GOLPH3: variants seen among roughly 807,000 people sequenced by gnomAD.
GOLPH3 encodes golgi phosphoprotein 3, also known as coat protein GPP34.
Under a neutral mutation model 28.5 loss-of-function variants are expected in GOLPH3, and 14 were observed. The ratio of observed to expected loss-of-function variants is 0.49; its 90% confidence interval spans 0.32 to 0.77. GOLPH3 has a LOEUF of 0.77. GOLPH3 is among the 30% of genes least tolerant of loss of function. The probability of loss-of-function intolerance (pLI) is 0.03; values close to 1 mark genes in which losing one functional copy is unlikely to be tolerated. For synonymous variants in GOLPH3, 158 were observed against 159.2 expected (o/e 0.99, Z 0.06); for missense variants, 350 against 393.7 (o/e 0.89, Z 0.94).
At position 32,126,256 on chromosome 5, in the gene GOLPH3, T is replaced by C; in HGVS notation, c.853A>G (p.Thr285Ala). The change falls in exon 4 of 4, where the codon ACC (threonine) becomes GCC (alanine). Residue 285 changes from threonine (T) to alanine (A), a missense_variant. Physicochemically the swap from Thr to Ala is moderately conservative, Grantham distance 58. Transcript: ENST00000265070. The stretch of plus-strand genomic sequence containing the variant: ...ACCACCGCCCACAGAACCTCATTGG[T>C]GTTGGCCTTCAGACATTCCACTTCA... ...DPEVECLKAN[T>A]NEVLWAVVAA... 5 of 1,614,058 alleles carry C rather than the reference T, an allele frequency of 3.1e-6. No individual in the cohort carries two copies. The highest frequency in any genetic ancestry group is 3.4e-6 in the Non-Finnish European group (4 of 1,179,968).
Position 32,126,043 on chromosome 5 carries a change from T to A in GOLPH3, c.*169A>T. The stretch of plus-strand genomic sequence containing the variant: ...AAAACAGAAAGAGGAAGGCCTCTCG[T>A]ACCAGCAGAATCCTGTACACGTACA... On this transcript the variant is annotated 3_prime_UTR_variant, in exon 4 of 4. Transcript: ENST00000265070. The A allele has an allele frequency of 3.2e-6, 2 of 630,058 alleles. No homozygotes were observed. The highest frequency in any genetic ancestry group is 5.3e-6 in the Non-Finnish European group (2 of 375,854). 39.0% of individuals were successfully genotyped at this position (630,058 alleles called of 1,614,324 possible). A position where few individuals can be genotyped will look rare whatever the true frequency, so the allele number is the denominator to read the frequency against.
chr5:32,155,760 C>T (rs1184441377), intron 1 of GOLPH3, among the ~76,000 whole-genome samples: 1 of 150,218 alleles, frequency 6.7e-6, no homozygotes, highest in African/African-American at 2.4e-5. Context: ...GAGTTTGAGA[C>T]CAGCCTGACC....
chr5:32,131,161 TCTC>T (rs1164115626), intron 3 of GOLPH3, among the ~76,000 whole-genome samples: 2 of 152,156 alleles, frequency 1.3e-5, no homozygotes, highest in Non-Finnish European at 1.5e-5. Flanking sequence ...GTTATTCAGA[TCTC>T]CTCAAGTATT....
chr5:32,144,244 A>C (rs559332993), intron 1 of GOLPH3, among the ~76,000 whole-genome samples: 3 of 152,254 alleles, frequency 2.0e-5, no homozygotes, highest in Admixed American at 6.5e-5. Context: ...ACAAGTTAAG[A>C]AGCTCAGGCA....
chr5:32,167,841 C>G (rs1012788971), intron 1 of GOLPH3, among the ~76,000 whole-genome samples: 1 of 151,900 alleles, frequency 6.6e-6, no homozygotes, highest in Non-Finnish European at 1.5e-5. Flanking sequence ...ATAGTCCCAG[C>G]TATTCAGGAG....
In GOLPH3 at chr5:32,173,957, C is replaced by T. The variant is rs767294570; in HGVS notation, c.78G>A (p.Glu26=). Residue 26 remains glutamate, a synonymous_variant, in exon 1 of 4, where the codon GAG becomes GAA. Transcript: ENST00000265070. ...TGCCGGCGCCGCCGCCCGCCGCCCGCTCCTTGTCGGCGGCGTTGCGGGAGG... is the reference window on the plus strand; with the variant it reads ...TGCCGGCGCCGCCGCCCGCCGCCCGTTCCTTGTCGGCGGCGTTGCGGGAGG... The part of the protein sequence containing the change: ...TEASRNAADK[E]RAAGGGAGSS... 15 of 1,441,714 alleles carry T rather than the reference C, an allele frequency of 1.0e-5. No homozygotes were observed. The highest frequency in any genetic ancestry group is 1.1e-5 in the Non-Finnish European group (12 of 1,104,082). 89.3% of individuals were successfully genotyped at this position (1,441,714 alleles called of 1,614,324 possible). A position where few individuals can be genotyped will look rare whatever the true frequency, so the allele number is the denominator to read the frequency against.
chr5:32,126,228 G>A lies in GOLPH3; in HGVS notation c.881C>T (p.Ala294Val), dbSNP rs560392688. ...CGAGCAGAGTTACTTGGTGAACGCCGCCACCACCGCCCACAGAACCTCATT... is the reference window on the plus strand; with the variant it reads ...CGAGCAGAGTTACTTGGTGAACGCCACCACCACCGCCCACAGAACCTCATT... ...NTNEVLWAVVAAFTK is the reference protein window; with the variant it reads ...NTNEVLWAVVVAFTK The change falls in exon 4 of 4, where the codon GCG becomes GTG. Residue 294 changes from alanine (A) to valine (V), a missense_variant. Coordinates refer to ENST00000265070, the MANE Select transcript of GOLPH3 (RefSeq NM_022130.4). 1.6e-5 allele frequency: 25 copies of A among 1,609,572 alleles called. No individual in the cohort carries two copies. The highest frequency in any genetic ancestry group is 1.7e-4 in the Middle Eastern group (1 of 6,046).
chr5:32,151,041 G>A (rs1746293864), intron 1 of GOLPH3, among the ~76,000 whole-genome samples: 1 of 152,102 alleles, frequency 6.6e-6, no homozygotes, highest in African/African-American at 2.4e-5. Flanking sequence ...AAATAAGAGT[G>A]AAAACCTTTA....
chr5:32,168,985 A>AC (rs1157697226), intron 1 of GOLPH3, among the ~76,000 whole-genome samples: 1 of 149,198 alleles, frequency 6.7e-6, no homozygotes, highest in East Asian at 2.0e-4. Context: ...CACAACAACA[A>AC]AAAAAAAAAC....
At chr5:32,160,621 T>C (rs1009477539) in intron 1 of GOLPH3, among the ~76,000 whole-genome samples, 8 of 152,132 alleles carry the variant, frequency 5.3e-5, no homozygotes, top group Admixed American at 1.3e-4. Flanking sequence ...AGAGATACAA[T>C]GGTAGGCAAA....
chr5:32,173,158 T>G (rs1746881731), intron 1 of GOLPH3, among the ~76,000 whole-genome samples: 1 of 152,112 alleles, frequency 6.6e-6, no homozygotes, highest in African/African-American at 2.4e-5. Flanking sequence ...ATTCATCAAC[T>G]GATAAAATAT....
intron 1 of GOLPH3, among the ~76,000 whole-genome samples, chr5:32,161,505 G>C (rs1280466017): frequency 6.6e-6 from 1 of 150,914 alleles, no homozygotes; most frequent in African/African-American, 2.5e-5. Context: ...AAGAGGTCAA[G>C]GCCTTTTGAG....
chr5:32,140,958 T>G (rs1286499153), intron 2 of GOLPH3, among the ~76,000 whole-genome samples: 1 of 151,388 alleles, frequency 6.6e-6, no homozygotes, highest in Non-Finnish European at 1.5e-5. Flanking sequence ...AGCCCAGGAG[T>G]TCGAGAGCAG....
intron 1 of GOLPH3, among the ~76,000 whole-genome samples, chr5:32,161,832 CCTGG>C (rs1202394874): frequency 6.6e-6 from 1 of 150,496 alleles, no homozygotes; most frequent in African/African-American, 2.5e-5. Flanking sequence ...TCAAAACCAT[CCTGG>C]CTAACACGGT....
intron 1 of GOLPH3, among the ~76,000 whole-genome samples, chr5:32,153,401 T>A (rs1359946611): frequency 6.6e-6 from 1 of 151,020 alleles, no homozygotes; most frequent in Non-Finnish European, 1.5e-5. Context: ...TGCAATATAA[T>A]TATATGCACT....
chr5:32,162,517 A>T (rs930065665), intron 1 of GOLPH3, among the ~76,000 whole-genome samples: 20 of 149,244 alleles, frequency 1.3e-4, no homozygotes, highest in African/African-American at 3.6e-4. Context: ...TAAAATTTTT[A>T]AAAAAATACA....
intron 1 of GOLPH3, among the ~76,000 whole-genome samples, chr5:32,149,241 T>C (rs1237748467): frequency 6.6e-6 from 1 of 152,128 alleles, no homozygotes; most frequent in Non-Finnish European, 1.5e-5. Flanking sequence ...AACCAAGACA[T>C]ACAGAGACAG....
At chr5:32,152,984 T>C (rs1438849221) in intron 1 of GOLPH3, among the ~76,000 whole-genome samples, 2 of 152,120 alleles carry the variant, frequency 1.3e-5, no homozygotes, top group Non-Finnish European at 2.9e-5. Flanking sequence ...AGGAATCCAC[T>C]ATGAAGAAAC....
At chr5:32,137,822 T>C (rs1745968666) in intron 2 of GOLPH3, among the ~76,000 whole-genome samples, 1 of 152,170 alleles carries the variant, frequency 6.6e-6, no homozygotes, top group African/African-American at 2.4e-5. Context: ...TAAAATTCCA[T>C]AATATCAAAA....
Sources: gnomAD v4.1 joint callset for allele counts (sites outside exome capture counted in the v4.1 genomes callset) on GRCh38, gnomAD v4.1.1 for gene constraint, MANE v1.5 for transcripts, NCBI Gene and HGNC (gene_info 2026-07-23, HGNC 2026-07-21) for gene names.